SEMA5A: variants seen among roughly 807,000 people sequenced by gnomAD.
The protein encoded by SEMA5A is semaphorin-5A.
A neutral mutation model predicts 135.5 loss-of-function variants in SEMA5A; 55 were observed. The ratio of observed to expected loss-of-function variants is 0.41; its 90% CI spans 0.33 to 0.51. The LOEUF is 0.51. SEMA5A is among the 20% of genes least tolerant of loss of function. The pLI is 0.37. For missense variants in SEMA5A, 1,290 were observed against 1,419.9 expected (o/e 0.91, Z 1.47); for synonymous variants, 580 against 546.5 (o/e 1.06, Z -0.85).
At chr5:9,101,107 T>A (rs1739604713) in intron 16 of SEMA5A, among the ~76,000 whole-genome samples, 1 of 152,234 alleles carries the variant, frequency 6.6e-6, no homozygotes, top group African/African-American at 2.4e-5. Context: ...TTAACTGTTT[T>A]CGGTTTTTAG....
chr5:9,298,063 C>T (rs1240038762), intron 5 of SEMA5A, among the ~76,000 whole-genome samples: 2 of 152,094 alleles, frequency 1.3e-5, no homozygotes, highest in African/African-American at 4.8e-5. Flanking sequence ...CTGTGTCCTC[C>T]CCAAAAGATA....
rs111490385 is a variant in SEMA5A, at chr5:9,297,060, A to G, written c.270+21312T>C. On this transcript the variant is annotated intron_variant, in intron 5 of 22. Transcript: ENST00000382496. ...AGAAAATCAGCATGGCTGAGCTTCCATTATGAGAAAATACATGAAAACAGT... is the reference window on the plus strand; with the variant it reads ...AGAAAATCAGCATGGCTGAGCTTCCGTTATGAGAAAATACATGAAAACAGT... Among the ~76,000 whole-genome samples, 280 of 152,214 alleles carry G rather than the reference A, an allele frequency of 1.8e-3. 1 individual carries two copies. Among genetic ancestry groups the G allele is most frequent in the Middle Eastern group, 0.01 (3 of 294 alleles).
At chr5:9,147,294 CTTTTTCTT>C (rs1422646867) in intron 12 of SEMA5A, among the ~76,000 whole-genome samples, 1 of 152,032 alleles carries the variant, frequency 6.6e-6, no homozygotes, top group Non-Finnish European at 1.5e-5. Context: ...TTTTCTTTTT[CTTTTTCTT>C]TTTTTCTTAG....
intron 18 of SEMA5A, among the ~76,000 whole-genome samples, chr5:9,059,689 A>T (rs535146763): frequency 6.6e-6 from 1 of 152,102 alleles, no homozygotes; most frequent in African/African-American, 2.4e-5. Flanking sequence ...AGCTGGGATT[A>T]CAGGTACATG....
intron 8 of SEMA5A, among the ~76,000 whole-genome samples, chr5:9,208,434 G>A (rs541498091): frequency 3.7e-4 from 57 of 152,306 alleles, no homozygotes; most frequent in South Asian, 6.2e-4. Flanking sequence ...GACACAGCCC[G>A]TGCCCTCAAG....
chr5:9,237,815 G>T lies in SEMA5A; in HGVS notation c.333+13C>A. ...GACAGGGTGATGGCTGCTCATAATTGCATTCTTCTTACCTTTGATTTGCCT... is the reference window on the plus strand; with the variant it reads ...GACAGGGTGATGGCTGCTCATAATTTCATTCTTCTTACCTTTGATTTGCCT... On this transcript the variant is annotated intron_variant, in intron 6 of 22. Transcript: ENST00000382496. 1 of 1,612,624 alleles carries T rather than the reference G, an allele frequency of 6.2e-7. No homozygotes were observed. The highest frequency in any genetic ancestry group is 2.2e-5 in the East Asian group (1 of 44,844).
intron 15 of SEMA5A, among the ~76,000 whole-genome samples, chr5:9,113,588 A>T (rs575598069): frequency 6.6e-6 from 1 of 152,360 alleles, no homozygotes; most frequent in South Asian, 2.1e-4. Flanking sequence ...TTTCATCAAA[A>T]ATAAATTAGT....
At chr5:9,544,955 C>G in intron 1 of SEMA5A, among the ~76,000 whole-genome samples, 1 of 152,216 alleles carries the variant, frequency 6.6e-6, no homozygotes, top group South Asian at 2.1e-4. Flanking sequence ...CGTGGAGCAG[C>G]GGAGGGATGC....
intron 16 of SEMA5A, among the ~76,000 whole-genome samples, chr5:9,090,403 A>G (rs1376548565): frequency 1.3e-5 from 2 of 152,216 alleles, no homozygotes; most frequent in African/African-American, 4.8e-5. Flanking sequence ...TTAACTTCTA[A>G]TGCCTTTGCC....
chr5:9,406,331 C>G (rs1756886719), intron 2 of SEMA5A, among the ~76,000 whole-genome samples: 1 of 152,216 alleles, frequency 6.6e-6, no homozygotes. Context: ...ACATAAAGAT[C>G]CCAGCCTAGA....
At chr5:9,297,744 T>A (rs1191360644) in intron 5 of SEMA5A, among the ~76,000 whole-genome samples, 3 of 150,348 alleles carry the variant, frequency 2.0e-5, no homozygotes, top group Non-Finnish European at 4.4e-5. Flanking sequence ...GTATTTTTAG[T>A]AAAGACAGGG....
chr5:9,277,147 G>A (rs1456672445), intron 5 of SEMA5A, among the ~76,000 whole-genome samples: 1 of 152,034 alleles, frequency 6.6e-6, no homozygotes, highest in African/African-American at 2.4e-5. Flanking sequence ...TCAAAAAGTG[G>A]GCAAAGGATA....
intron 5 of SEMA5A, among the ~76,000 whole-genome samples, chr5:9,307,602 TA>T (rs1447020859): frequency 6.6e-6 from 1 of 152,134 alleles, no homozygotes; most frequent in African/African-American, 2.4e-5. Context: ...AAATCATTAC[TA>T]AAATTTGGAG....
At chr5:9,473,383 TAAAAA>T (rs58137756) in intron 1 of SEMA5A, among the ~76,000 whole-genome samples, 7 of 79,704 alleles carry the variant, frequency 8.8e-5, no homozygotes, top group African/African-American at 2.5e-4. Flanking sequence ...CAATCAGTGG[TAAAAA>T]AAAAAAAAAA....
intron 4 of SEMA5A, among the ~76,000 whole-genome samples, chr5:9,323,830 T>G (rs1244747424): frequency 6.6e-6 from 1 of 151,036 alleles, no homozygotes; most frequent in Non-Finnish European, 1.5e-5. Context: ...CCTGACTAAT[T>G]TTTATATTTC....
At chr5:9,049,615 T>G (rs1405360888) in intron 21 of SEMA5A, among the ~76,000 whole-genome samples, 2 of 152,180 alleles carry the variant, frequency 1.3e-5, no homozygotes, top group African/African-American at 2.4e-5. Context: ...TGGAACGGAT[T>G]AGGGGAGCAA....
At chr5:9,228,039 GCTC>G (rs1278895802) in intron 6 of SEMA5A, among the ~76,000 whole-genome samples, 3 of 152,180 alleles carry the variant, frequency 2.0e-5, no homozygotes, top group Non-Finnish European at 4.4e-5. Flanking sequence ...GAGCTGGAGA[GCTC>G]CTCACTTATT....
chr5:9,077,661 C>A (rs1738141279), intron 16 of SEMA5A, among the ~76,000 whole-genome samples: 1 of 152,182 alleles, frequency 6.6e-6, no homozygotes, highest in South Asian at 2.1e-4. Context: ...ATGTGAGCTT[C>A]CCCAGGGCAA....
At chr5:9,162,461 T>TGC (rs1398358737) in intron 11 of SEMA5A, among the ~76,000 whole-genome samples, 79 of 74,188 alleles carry the variant, frequency 1.1e-3, no homozygotes, top group Non-Finnish European at 1.9e-3. Context: ...TATATATGTG[T>TGC]GTGTATATAT....
Sources: gnomAD v4.1 joint callset for allele counts (sites outside exome capture counted in the v4.1 genomes callset) on GRCh38, gnomAD v4.1.1 for gene constraint, MANE v1.5 for transcripts, NCBI Gene and HGNC (gene_info 2026-07-23, HGNC 2026-07-21) for gene names.